TNFRSF21: variants seen among roughly 807,000 people sequenced by gnomAD.
The protein encoded by TNFRSF21 is TNF receptor superfamily member 21, also known as tumor necrosis factor receptor superfamily member 21.
TNFRSF21 carries 19 observed loss-of-function variants against 45.6 expected under a neutral mutation model. The observed-to-expected ratio is 0.42, with a 90% confidence interval of 0.29 to 0.61. The LOEUF is 0.61. Ranked by LOEUF, TNFRSF21 falls within the 20% of genes least tolerant of loss-of-function variation. The probability of loss-of-function intolerance (pLI) is 0.23; values close to 1 mark genes in which losing one functional copy is unlikely to be tolerated. For missense variants in TNFRSF21, 737 were observed against 851.5 expected, an observed-to-expected ratio of 0.87 and a Z score of 1.67; for synonymous variants, 314 against 335.5, an observed-to-expected ratio of 0.94 and a Z score of 0.70.
intron 1 of TNFRSF21, among the ~76,000 whole-genome samples, chr6:47,307,404 G>A (rs571407102): frequency 3.7e-4 from 56 of 152,126 alleles, no homozygotes; most frequent in Non-Finnish European, 7.6e-4. Context: ...TTGGAGACAG[G>A]GTCTCACTCT....
At chr6:47,285,765 C>A (rs114019124) in intron 2 of TNFRSF21, among the ~76,000 whole-genome samples, 179 bp downstream of exon 2, 3,618 of 152,246 alleles carry the variant, frequency 0.024, 157 homozygotes, top group African/African-American at 0.084. Context: ...TCTGAGTCTA[C>A]ATGTTTCTAT....
At position 47,284,115 on chromosome 6, in the gene TNFRSF21, G is replaced by A. The variant is rs756872775; in HGVS notation, c.1066C>T (p.Leu356Phe). Residue 356 changes from leucine (L) to phenylalanine (F), a missense_variant, in exon 3 of 6, where the codon CTT becomes TTT. By Grantham distance (22) the Leu-to-Phe change is conservative (BLOSUM62 0). Coordinates refer to ENST00000296861, the MANE Select transcript of TNFRSF21 (RefSeq NM_014452.5). The stretch of plus-strand genomic sequence containing the variant: ...ACCACAAGCACCAGCAGCAGGAAAA[G>A]CACAATCATCCAGGGCAAATGCTCA... ...INEHLPWMIV[L>F]FLLLVLVVIV... The A allele has an allele frequency of 2.5e-6, 4 of 1,614,228 alleles. No individual in the cohort carries two copies. The highest frequency in any genetic ancestry group is 1.3e-5 in the African/African-American group (1 of 75,056).
At chr6:47,298,156 C>A (rs1303174015) in intron 1 of TNFRSF21, among the ~76,000 whole-genome samples, 1 of 151,778 alleles carries the variant, frequency 6.6e-6, no homozygotes, top group African/African-American at 2.4e-5. Context: ...TGATCTAGTC[C>A]CATGAGATAT....
intron 3 of TNFRSF21, 70 bp from the exon 4 acceptor site, chr6:47,253,591 C>T: frequency 6.5e-7 from 1 of 1,545,128 alleles, no homozygotes; most frequent in Non-Finnish European, 8.7e-7. Context: ...GGCAGCTCTG[C>T]TTTAATGAAT....
intron 3 of TNFRSF21, among the ~76,000 whole-genome samples, chr6:47,253,976 A>G (rs1463992361): frequency 2.0e-5 from 3 of 152,218 alleles, no homozygotes; most frequent in Non-Finnish European, 4.4e-5. Context: ...GTATGGATAG[A>G]AGATTCCTTC....
intron 3 of TNFRSF21, among the ~76,000 whole-genome samples, chr6:47,257,036 T>G (rs895039866): frequency 1.3e-5 from 2 of 152,156 alleles, no homozygotes; most frequent in African/African-American, 4.8e-5. Context: ...TACTTTATTT[T>G]TGGAAGTGTT....
chr6:47,246,820 T>G (rs994385398), intron 4 of TNFRSF21, among the ~76,000 whole-genome samples: 8 of 151,098 alleles, frequency 5.3e-5, no homozygotes, highest in Non-Finnish European at 8.8e-5. Flanking sequence ...ACTAGTCTGA[T>G]TTTTTTAAGT....
At chr6:47,307,524 G>A (rs1561955315) in intron 1 of TNFRSF21, among the ~76,000 whole-genome samples, 2 of 151,960 alleles carry the variant, frequency 1.3e-5, no homozygotes, top group East Asian at 1.9e-4. Context: ...GCATACAGGC[G>A]CACACCACCG....
chr6:47,299,309 A>G (rs1018344637), intron 1 of TNFRSF21, among the ~76,000 whole-genome samples: 1 of 152,126 alleles, frequency 6.6e-6, no homozygotes, highest in Admixed American at 6.5e-5. Flanking sequence ...AACATGGCCA[A>G]CATGGTGAAA....
At chr6:47,300,123 T>C (rs1039617187) in intron 1 of TNFRSF21, among the ~76,000 whole-genome samples, 4 of 152,168 alleles carry the variant, frequency 2.6e-5, no homozygotes, top group African/African-American at 7.2e-5. Context: ...CTGGAGGGGA[T>C]AGAGCTATTA....
Position 47,284,414 on chromosome 6 carries a change from G to C in TNFRSF21, c.767C>G (p.Ser256Cys). 1.3e-6 allele frequency: 2 copies of C among 1,519,520 alleles called. No individual in the cohort carries two copies. Among genetic ancestry groups the C allele is most frequent in the Non-Finnish European group, 8.8e-7 (1 of 1,135,636 alleles). The allele number at this position is 1,519,520 out of a possible 1,614,324, so 94.1% of individuals were successfully genotyped here. Reference protein sequence around the residue: ...YVPKGMNSTESNSSASVRPKV... With the variant: ...YVPKGMNSTECNSSASVRPKV... The stretch of plus-strand genomic sequence containing the variant: ...TGGTCTAACAGAGGCAGAAGAGTTG[G>C]ATTCTGTTGAGTTCATGCCTAGAAA... The change falls in exon 3 of 6, where the codon TCC becomes TGC. Residue 256 changes from serine (S) to cysteine (C), a missense_variant. Ser to Cys is a moderately radical substitution (Grantham distance 112). Coordinates refer to ENST00000296861, the MANE Select transcript of TNFRSF21 (RefSeq NM_014452.5).
At chr6:47,266,931 A>G (rs1291367860) in intron 3 of TNFRSF21, among the ~76,000 whole-genome samples, 1 of 151,998 alleles carries the variant, frequency 6.6e-6, no homozygotes, top group East Asian at 1.9e-4. Flanking sequence ...TCACTTGTAC[A>G]CAGAATATTC....
At chr6:47,289,528 G>T (rs933815430) in intron 1 of TNFRSF21, among the ~76,000 whole-genome samples, 3 of 152,000 alleles carry the variant, frequency 2.0e-5, no homozygotes, top group African/African-American at 7.2e-5. Context: ...TTAGAACCTG[G>T]AAAAAACCTC....
At chr6:47,273,381 A>C (rs1287675384) in intron 3 of TNFRSF21, among the ~76,000 whole-genome samples, 1 of 152,202 alleles carries the variant, frequency 6.6e-6, no homozygotes, top group African/African-American at 2.4e-5. Context: ...AATAAATGTA[A>C]TCCATCACAT....
At chr6:47,300,809 A>G (rs559837147) in intron 1 of TNFRSF21, among the ~76,000 whole-genome samples, 1 of 152,330 alleles carries the variant, frequency 6.6e-6, no homozygotes, top group Admixed American at 6.5e-5. Context: ...TACGACGTCC[A>G]AGAAGGAAAG....
chr6:47,257,787 C>T (rs907568099), intron 3 of TNFRSF21, among the ~76,000 whole-genome samples: 4 of 152,066 alleles, frequency 2.6e-5, no homozygotes, highest in Non-Finnish European at 4.4e-5. Context: ...ATATAACATA[C>T]ACATATATAA....
intron 4 of TNFRSF21, 29 bp from the exon 5 acceptor site, chr6:47,234,927 T>C (rs759019603): frequency 9.6e-6 from 12 of 1,247,762 alleles, no homozygotes; most frequent in South Asian, 4.8e-5. Flanking sequence ...TTTTTTATTA[T>C]ATATAGAAAA....
In TNFRSF21 at chr6:47,271,683, T is replaced by C. The variant is rs7762419; in HGVS notation, c.1243+12255A>G. 8.9e-3 allele frequency among the ~76,000 whole-genome samples: 1,347 copies of C among 152,166 alleles called. 23 individuals are homozygous for C. The highest frequency in any genetic ancestry group is 0.031 in the African/African-American group (1,273 of 41,524). On this transcript the variant is annotated intron_variant, in intron 3 of 5. Coordinates refer to ENST00000296861, the MANE Select transcript of TNFRSF21 (RefSeq NM_014452.5). ...ATAACAATATTAACCTTAAATGTAA[T>C]TGGGCTAAATGCCCCAATTAAAAGA...
intron 3 of TNFRSF21, among the ~76,000 whole-genome samples, chr6:47,265,694 T>C (rs1762322870): frequency 2.0e-5 from 3 of 152,212 alleles, no homozygotes; most frequent in Admixed American, 6.5e-5. Flanking sequence ...TCAATCTTTG[T>C]TAAGGAAAAG....
Sources: gnomAD v4.1 joint callset for allele counts (sites outside exome capture counted in the v4.1 genomes callset) on GRCh38, gnomAD v4.1.1 for gene constraint, MANE v1.5 for transcripts, NCBI Gene and HGNC (gene_info 2026-07-23, HGNC 2026-07-21) for gene names.